Variants in IRF9 observed in about 807,000 individuals in gnomAD.
IRF9 encodes interferon regulatory factor 9, also known as IFN-alpha-responsive transcription factor subunit.
In IRF9, 13 loss-of-function variants were observed where a neutral mutation model predicts 44.1. That is an observed-to-expected ratio of 0.29 (90% confidence interval 0.19 to 0.47). The LOEUF (loss-of-function observed/expected upper bound fraction) is 0.47. Ranked by LOEUF, IRF9 falls within the 20% of genes least tolerant of loss-of-function variation. The pLI is 1.00. For missense variants in IRF9, 373 were observed against 496.1 expected (o/e 0.75, Z 2.36); for synonymous variants, 189 against 188.5 (o/e 1.00, Z -0.02).
In IRF9 at chr14:24,164,046, C is replaced by T. The variant is rs763204020; in HGVS notation, c.578-17C>T. On this transcript the variant is annotated splice_polypyrimidine_tract_variant and intron_variant, in intron 5 of 8. Coordinates refer to ENST00000396864, the MANE Select transcript of IRF9 (RefSeq NM_006084.5). The surrounding 1 kb of genome is among the most constrained non-coding windows in gnomAD (Gnocchi z 5.2). ...CAGTCCCACTCTGAATGACCAGTGC[C>T]TTTGCTTCCCTTCCAGTTACAGACA... 2 of 1,614,014 alleles carry T rather than the reference C, an allele frequency of 1.2e-6. No individual in the cohort carries two copies. The highest frequency in any genetic ancestry group is 1.7e-6 in the Non-Finnish European group (2 of 1,179,934).
At position 24,164,854 on chromosome 14, in the gene IRF9, C is replaced by T; in HGVS notation, c.890C>T (p.Pro297Leu). 1 of 1,611,082 alleles carries T rather than the reference C, an allele frequency of 6.2e-7. No individual in the cohort carries two copies. Among genetic ancestry groups the T allele is most frequent in the Non-Finnish European group, 8.5e-7 (1 of 1,179,980 alleles). Residue 297 changes from proline to leucine, a missense_variant, in exon 7 of 9, where the codon CCC becomes CTC. Pro to Leu is a moderately conservative substitution (Grantham distance 98). Transcript: ENST00000396864. This position sits in a 1 kb window ranked among gnomAD's most constrained non-coding sequence, Gnocchi z 5.2. ...GLFVQRLCPI[P>L]ISWNAPQAPP... is the part of the protein sequence containing the mutation. ...TTCGTGCAGCGCCTTTGCCCCATCC[C>T]CATCTCCTGGAATGCACCCCAGGCT...
rs1435988391 is a variant in IRF9 at position 24,166,422 on chromosome 14, G to C, written c.*226G>C. The stretch of plus-strand genomic sequence containing the variant: ...TTGAGATATACGCCCTCTTTCATCT[G>C]TAAGGGACTAGGAAATTCCAAATGG... On this transcript the variant is annotated 3_prime_UTR_variant, in exon 9 of 9. Transcript: ENST00000396864. The C allele has an allele frequency of 3.4e-6, 2 of 583,148 alleles. No homozygotes were observed. The highest frequency in any genetic ancestry group is 3.8e-5 in the African/African-American group (2 of 52,416). The allele number at this position is 583,148 out of a possible 1,614,324, so 36.1% of individuals were successfully genotyped here.
Position 24,164,531 on chromosome 14 carries a change from G to A in IRF9, c.650-83G>A. The A allele has an allele frequency of 7.6e-7, 1 of 1,320,298 alleles. No homozygotes were observed. The highest frequency in any genetic ancestry group is 1.5e-5 in the African/African-American group (1 of 68,180). 81.8% of individuals were successfully genotyped at this position (1,320,298 alleles called of 1,614,324 possible). ...AAGCCCCCTGGCTGGTGTGGGGAGGGGAGGTGGAGTTGTTCCCCTGGGGAG... is the reference window on the plus strand; with the variant it reads ...AAGCCCCCTGGCTGGTGTGGGGAGGAGAGGTGGAGTTGTTCCCCTGGGGAG... On this transcript the variant is annotated intron_variant, in intron 6 of 8. Coordinates refer to ENST00000396864, the MANE Select transcript of IRF9 (RefSeq NM_006084.5). This position sits in a 1 kb window ranked among gnomAD's most constrained non-coding sequence, Gnocchi z 5.2.
chr14:24,162,631 CT>C, intron 2 of IRF9: 1 of 414,928 alleles, frequency 2.4e-6, no homozygotes, highest in Non-Finnish European at 4.3e-6. Flanking sequence ...GAAACCCTGT[CT>C]CTACTAAAAA....
At chr14:24,166,052 G>C (rs2038517877) in intron 8 of IRF9, 70 bp from the exon 9 acceptor site, 7 of 1,577,214 alleles carry the variant, frequency 4.4e-6, no homozygotes, top group Non-Finnish European at 6.1e-6. Context: ...AGTGGGGAAG[G>C]AGCTCCTGGG....
chr14:24,165,815 G>C lies in IRF9; in HGVS notation c.992-32G>C, dbSNP rs757366119. The C allele has an allele frequency of 2.6e-6, 4 of 1,518,522 alleles. No individual in the cohort carries two copies. In the Admixed American group the frequency reaches 5.3e-5, roughly 20 times the overall value. 94.1% of individuals were successfully genotyped at this position (1,518,522 alleles called of 1,614,324 possible). A position where few individuals can be genotyped will look rare whatever the true frequency, so the allele number is the denominator to read the frequency against. On this transcript the variant is annotated intron_variant, in intron 7 of 8. Transcript: ENST00000396864. ...GCCTGTGGCCCTCTCTCTTCTTTTT[G>C]TTCTTCGAACCCTTGACCCTTTCTC...
In IRF9 at chr14:24,163,090, G is replaced by T. The variant is rs370001528; in HGVS notation, c.305G>T (p.Arg102Leu). Residue 102 changes from arginine to leucine, a missense_variant, in exon 3 of 9, where the codon CGC becomes CTC. Transcript: ENST00000396864. The part of the protein sequence containing the change: ...SEFKEVPERG[R>L]MDVAEPYKVY... ...TTTAAGGAGGTTCCTGAGAGGGGCC[G>T]CATGGATGTTGCTGAGCCCTACAAG... is the stretch of plus-strand genomic sequence containing the variant. 1 of 1,614,138 alleles carries T rather than the reference G, an allele frequency of 6.2e-7. No individual in the cohort carries two copies. The highest frequency in any genetic ancestry group is 1.1e-5 in the South Asian group (1 of 91,082).
intron 2 of IRF9, 55 bp from the exon 3 acceptor site, chr14:24,162,911 G>A (rs1405491987): frequency 6.9e-6 from 10 of 1,455,508 alleles, no homozygotes; most frequent in Non-Finnish European, 7.6e-6. Flanking sequence ...TCCTATTGGA[G>A]GGGCAGGTGG....
intron 7 of IRF9, 68 bp from the exon 8 acceptor site, chr14:24,165,779 A>G (rs1157596769): frequency 6.4e-6 from 7 of 1,093,136 alleles, no homozygotes; most frequent in Non-Finnish European, 9.5e-6. Flanking sequence ...GTTCCTCACT[A>G]TTGCCTCCCT....
rs370294770 is a variant in IRF9 at position 24,163,367 on chromosome 14, C to T, written c.365-11C>T. 7 of 1,612,406 alleles carry T rather than the reference C, an allele frequency of 4.3e-6. No individual in the cohort carries two copies. The highest frequency in any genetic ancestry group is 1.3e-5 in the African/African-American group (1 of 74,924). ...ACCCTGACCTTTCTCTGTCCCTCAACAATTCCACAGGCCAGCCAGGGACTC... is the reference window on the plus strand; with the variant it reads ...ACCCTGACCTTTCTCTGTCCCTCAATAATTCCACAGGCCAGCCAGGGACTC... On this transcript the variant is annotated splice_polypyrimidine_tract_variant and intron_variant, in intron 3 of 8. Transcript: ENST00000396864.
chr14:24,165,247 T>C lies in IRF9; in HGVS notation c.991+292T>C. 4.3e-6 allele frequency: 3 copies of C among 699,784 alleles called. No individual in the cohort carries two copies. The South Asian group carries it at 4.4e-5, about 10-fold the overall frequency. 43.3% of individuals were successfully genotyped at this position (699,784 alleles called of 1,614,324 possible). ...CCATCACACTGAAGCATGCAGTCAC[T>C]ATGTGAAGGTGCACAGAAGAATTGG... On this transcript the variant is annotated intron_variant, in intron 7 of 8. Transcript: ENST00000396864.
At chr14:24,163,741 G>C in intron 4 of IRF9, 137 bp from the exon 5 acceptor site, 1 of 973,806 alleles carries the variant, frequency 1.0e-6, no homozygotes, top group African/African-American at 1.7e-5. Context: ...AGGAGGCCGA[G>C]GCAGGAGAAT....
rs1309972018 is a variant in IRF9 at position 24,163,866 on chromosome 14, CTG to C, written c.496-8_496-7del. 2 of 1,585,426 alleles carry C rather than the reference CTG, an allele frequency of 1.3e-6. No individual in the cohort carries two copies. On this transcript the variant is annotated splice_polypyrimidine_tract_variant and intron_variant, in intron 4 of 8. Transcript: ENST00000396864. ...AAAAGAGAAAAAAAATAAAAAGACA[CTG>C]TGTCCGCAGGAGGAGGAGGGGGCCA...
In IRF9 at chr14:24,162,037, G is replaced by T. The variant is rs763477625; in HGVS notation, c.-1-107G>T. 5.1e-5 allele frequency: 52 copies of T among 1,013,440 alleles called. No individual in the cohort carries two copies. In the Admixed American group the frequency reaches 1.1e-3, roughly 22 times the overall value. The allele number at this position is 1,013,440 out of a possible 1,614,324, so 62.8% of individuals were successfully genotyped here. The stretch of plus-strand genomic sequence containing the variant: ...TTTGGAGCTAAAAGAAGATGGATGG[G>T]ATCTCTGGGACCTGTTGCCAGAATC... On this transcript the variant is annotated intron_variant, in intron 1 of 8. Transcript: ENST00000396864.
Position 24,162,223 on chromosome 14 carries a change from G to A in IRF9, c.79G>A (p.Gly27Arg), listed in dbSNP as rs1375821921. 12 of 1,614,026 alleles carry A rather than the reference G, an allele frequency of 7.4e-6. No individual in the cohort carries two copies. Among genetic ancestry groups the A allele is most frequent in the Non-Finnish European group, 1.0e-5 (12 of 1,180,034 alleles). ...VEQVESGQFP[G>R]VCWDDTAKTM... Reference sequence around the variant, plus strand: ...GCAAGTGGAGAGTGGGCAGTTTCCCGGAGTGTGCTGGGATGATACAGCTAA... The same window carrying A: ...GCAAGTGGAGAGTGGGCAGTTTCCCAGAGTGTGCTGGGATGATACAGCTAA... Residue 27 changes from glycine (G) to arginine (R), a missense_variant, in exon 2 of 9, where the codon GGA becomes AGA. By Grantham distance (125) the Gly-to-Arg change is moderately radical. Transcript: ENST00000396864.
At position 24,164,910 on chromosome 14, in the gene IRF9, A is replaced by C; in HGVS notation, c.946A>C (p.Ser316Arg). 2 of 1,612,904 alleles carry C rather than the reference A, an allele frequency of 1.2e-6. No individual in the cohort carries two copies. Among genetic ancestry groups the C allele is most frequent in the Admixed American group, 1.7e-5 (1 of 60,004 alleles). Residue 316 changes from serine to arginine, a missense_variant, in exon 7 of 9, where the codon AGC becomes CGC. Around this residue, in one of 2 missense-constraint regions of IRF9, gnomAD observed 146 missense variants for 240.8 expected, o/e 0.61. Transcript: ENST00000396864. This position sits in a 1 kb window ranked among gnomAD's most constrained non-coding sequence, Gnocchi z 5.2. ...PPGPGPHLLP[S>R]NECVELFRTA... The stretch of plus-strand genomic sequence containing the variant: ...TGGGCCAGGCCCGCATCTGCTGCCC[A>C]GCAACGAGTGCGTGGAGCTCTTCAG...
In IRF9 at chr14:24,164,278, C is replaced by T. The variant is rs1293712131; in HGVS notation, c.649+144C>T. On this transcript the variant is annotated intron_variant, in intron 6 of 8. Coordinates refer to ENST00000396864, the MANE Select transcript of IRF9 (RefSeq NM_006084.5). The surrounding 1 kb of genome is among the most constrained non-coding windows in gnomAD (Gnocchi z 5.2). ...GCCCTAGGCAGTGGTTTCTAGGTGG[C>T]GAGAATTCCATATGCCTGGCCAGAC... is the stretch of plus-strand genomic sequence containing the variant. 54 of 745,250 alleles carry T rather than the reference C, an allele frequency of 7.2e-5. No individual in the cohort carries two copies. The highest frequency in any genetic ancestry group is 1.1e-4 in the Non-Finnish European group (51 of 444,738). The allele number at this position is 745,250 out of a possible 1,614,324, so 46.2% of individuals were successfully genotyped here. A position where few individuals can be genotyped will look rare whatever the true frequency, so the allele number is the denominator to read the frequency against.
At chr14:24,162,860 T>TA in intron 2 of IRF9, 106 bp from the exon 3 acceptor site, 1 of 840,190 alleles carries the variant, frequency 1.2e-6, no homozygotes, top group Admixed American at 2.7e-5. Flanking sequence ...AGACCCTGCA[T>TA]AATCCCTTCT....
intron 1 of IRF9, among the ~76,000 whole-genome samples, chr14:24,161,805 G>A (rs1050591484): frequency 7.2e-5 from 11 of 152,320 alleles, no homozygotes; most frequent in African/African-American, 2.6e-4. Context: ...CTGTCACCAG[G>A]AACGATCACC....
Sources: gnomAD v4.1 joint callset for allele counts (sites outside exome capture counted in the v4.1 genomes callset) on GRCh38, gnomAD v4.1.1 for gene constraint, gnomAD v4.1.1 regional missense constraint, Gnocchi (gnomAD v3.1) non-coding constraint, MANE v1.5 for transcripts, NCBI Gene and HGNC (gene_info 2026-07-23, HGNC 2026-07-21) for gene names.